The following MUC5AC variants were observed in gnomAD, a reference collection of about 807,000 sequenced individuals.
The protein encoded by MUC5AC is mucin 5AC, oligomeric mucus/gel-forming, also known as mucin-5AC.
In MUC5AC, 158 loss-of-function variants were observed where a neutral mutation model predicts 169.7. The ratio of observed to expected loss-of-function variants is 0.93; its 90% CI spans 0.82 to 1.06. The LOEUF is 1.06. Among genes scored for constraint, MUC5AC ranks in the 50% least tolerant of loss-of-function variants. MUC5AC has a pLI of 0.00. For missense variants in MUC5AC, 4,359 were observed against 3,089.9 expected, an observed-to-expected ratio of 1.41 and a Z score of -9.74; for synonymous variants, 1,975 against 1,237.0, an observed-to-expected ratio of 1.60 and a Z score of -12.52.
intron 26 of MUC5AC, among the ~76,000 whole-genome samples, chr11:1,179,794 G>A (rs896624706): frequency 1.3e-5 from 2 of 151,996 alleles, no homozygotes; most frequent in Non-Finnish European, 2.9e-5. Flanking sequence ...GAGCCTTGCC[G>A]GGAACGGGCA....
intron 9 of MUC5AC, 125 bp downstream of exon 9, chr11:1,164,657 G>A (rs1860252479): frequency 7.4e-7 from 1 of 1,359,292 alleles, no homozygotes; most frequent in Non-Finnish European, 9.7e-7. Context: ...GCTGACTGAG[G>A]CCCCTGTCCT....
At chr11:1,160,565 C>T (rs1860110828) in intron 1 of MUC5AC, 47 bp from the exon 2 acceptor site, 1 of 1,540,056 alleles carries the variant, frequency 6.5e-7, no homozygotes, top group Non-Finnish European at 8.8e-7. Context: ...GCCTGAGCCC[C>T]CTCAGCCACC....
chr11:1,167,773 G>C, intron 11 of MUC5AC, 104 bp from the exon 12 acceptor site: 1 of 953,890 alleles, frequency 1.0e-6, no homozygotes, highest in East Asian at 2.6e-5. Context: ...GGTGGAGTGG[G>C]GTTTTCTAGT....
intron 25 of MUC5AC, 128 bp downstream of exon 25, chr11:1,178,811 G>A (rs1860745768): frequency 2.1e-6 from 1 of 466,006 alleles, no homozygotes; most frequent in Non-Finnish European, 3.5e-6. Context: ...GCTGGGACTG[G>A]CGCTGGTATG....
At chr11:1,170,557 C>T (rs1860479518) in intron 15 of MUC5AC, among the ~76,000 whole-genome samples, 3 of 132,754 alleles carry the variant, frequency 2.3e-5, no homozygotes, top group East Asian at 2.4e-4. Flanking sequence ...GCCCACTCAC[C>T]CACTCACCCA....
rs749388652 is a variant in MUC5AC at position 1,168,903 on chromosome 11, C to T, written c.1747C>T (p.Arg583Trp). Residue 583 changes from arginine to tryptophan, a missense_variant, in exon 15 of 49, where the codon CGG (arginine) becomes TGG (tryptophan). Arg to Trp is a moderately radical substitution (Grantham distance 101, BLOSUM62 -3). Coordinates refer to ENST00000621226, the MANE Select transcript of MUC5AC (RefSeq NM_001304359.2). ...CAACAGCATCCAGGCCGATGACTTC[C>T]GGACCCTCAGTGGGGTGGTGGAGGC... ...NFNSIQADDF[R>W]TLSGVVEATA... is the part of the protein sequence containing the mutation. The T allele has an allele frequency of 4.5e-5, 72 of 1,610,088 alleles. No homozygotes were observed. The highest frequency in any genetic ancestry group is 1.9e-4 in the South Asian group (17 of 90,756).
Position 1,174,965 on chromosome 11 carries a change from G to A in MUC5AC, c.2176G>A (p.Glu726Lys), listed in dbSNP as rs960950024. 28 of 410,596 alleles carry A rather than the reference G, an allele frequency of 6.8e-5. No homozygotes were observed. The South Asian group carries it at 2.4e-3, about 35-fold the overall frequency. 25.4% of individuals were successfully genotyped at this position (410,596 alleles called of 1,614,324 possible). Residue 726 changes from glutamate to lysine, a missense_variant, in exon 18 of 49, where the codon GAG becomes AAG. By Grantham distance (56) the Glu-to-Lys change is moderately conservative (BLOSUM62 1). Transcript: ENST00000621226. The stretch of plus-strand genomic sequence containing the variant: ...CCAGCCCACCTGCCGCTCCCTGAGC[G>A]AGGGGGACATCACCTGCAGTGTTGG... ...TCQPTCRSLS[E>K]GDITCSVGFI...
Position 1,189,390 on chromosome 11 carries a change from A to C in MUC5AC, c.11245A>C (p.Thr3749Pro). 1 of 565,874 alleles carries C rather than the reference A, an allele frequency of 1.8e-6. No homozygotes were observed. The highest frequency in any genetic ancestry group is 3.1e-6 in the Non-Finnish European group (1 of 320,718). The allele number at this position is 565,874 out of a possible 1,614,324, so 35.1% of individuals were successfully genotyped here. ...APTTSTISAPTTSTTSAPTAS... is the reference protein window; with the variant it reads ...APTTSTISAPPTSTTSAPTAS... ...TACAACCAGCACAATCTCTGCCCCT[A>C]CAACCAGCACAACCTCTGCTCCCAC... The change falls in exon 31 of 49, where the codon ACA becomes CCA. Residue 3749 changes from threonine (T) to proline (P), a missense_variant. Coordinates refer to ENST00000621226, the MANE Select transcript of MUC5AC (RefSeq NM_001304359.2).
chr11:1,157,993 C>T lies in MUC5AC; in HGVS notation c.-7C>T. On this transcript the variant is annotated 5_prime_UTR_variant, in exon 1 of 49. Transcript: ENST00000621226. ...GGGACAGGGCACTCTTCCCCGCCGT[C>T]CACACAATGAGTGTTGGCCGGAGGA... 1 of 1,590,558 alleles carries T rather than the reference C, an allele frequency of 6.3e-7. No homozygotes were observed. The highest frequency in any genetic ancestry group is 8.6e-7 in the Non-Finnish European group (1 of 1,169,576).
chr11:1,182,032 G>C (rs996004168), intron 30 of MUC5AC, 123 bp from the exon 31 acceptor site: 19 of 398,190 alleles, frequency 4.8e-5, no homozygotes, highest in African/African-American at 2.9e-4. Context: ...CAGGGACCGC[G>C]GGTGGGGACA....
chr11:1,182,088 C>T (rs1860827342), intron 30 of MUC5AC, 67 bp from the exon 31 acceptor site: 1 of 250,268 alleles, frequency 4.0e-6, no homozygotes, highest in Non-Finnish European at 6.2e-6. Context: ...GACAGAGCCG[C>T]AGGGAGGGGC....
At chr11:1,194,889 A>G in intron 35 of MUC5AC, 123 bp from the exon 36 acceptor site, 2 of 622,028 alleles carry the variant, frequency 3.2e-6, no homozygotes, top group South Asian at 1.8e-5. Flanking sequence ...AGTGAGGCAC[A>G]GGCAGGGCCC....
rs745767500 is a variant in MUC5AC, at chr11:1,197,937, C to A, written c.16068C>A (p.Gly5356=). The part of the protein sequence containing the change: ...CNTSRCPAPV[G]CPEGARAIPT... The stretch of plus-strand genomic sequence containing the variant: ...CCAGCCGCTGCCCCGCGCCCGTGGG[C>A]TGTCCTGAGGGCGCCCGCGCGATCC... Residue 5356 remains glycine, a synonymous_variant, in exon 42 of 49, where the codon GGC becomes GGA. Coordinates refer to ENST00000621226, the MANE Select transcript of MUC5AC (RefSeq NM_001304359.2). 1 of 736,788 alleles carries A rather than the reference C, an allele frequency of 1.4e-6. No homozygotes were observed. Among genetic ancestry groups the A allele is most frequent in the South Asian group, 1.4e-5 (1 of 69,986 alleles). The allele number at this position is 736,788 out of a possible 1,614,324, so 45.6% of individuals were successfully genotyped here. A position where few individuals can be genotyped will look rare whatever the true frequency, so the allele number is the denominator to read the frequency against.
chr11:1,164,146 G>A lies in MUC5AC; in HGVS notation c.830G>A (p.Gly277Asp). 6.2e-7 allele frequency: 1 copy of A among 1,612,340 alleles called. No individual in the cohort carries two copies. The highest frequency in any genetic ancestry group is 1.1e-5 in the South Asian group (1 of 91,080). ...CTCCTGCACGGCCAGCTGTTCTCTGGCTGCGTGGCCCTGGTGGACGTCGGC... is the reference window on the plus strand; with the variant it reads ...CTCCTGCACGGCCAGCTGTTCTCTGACTGCGTGGCCCTGGTGGACGTCGGC... The part of the protein sequence containing the change: ...EELLHGQLFS[G>D]CVALVDVGSY... Residue 277 changes from glycine (G) to aspartate (D), a missense_variant, in exon 8 of 49, where the codon GGC becomes GAC. Transcript: ENST00000621226.
In MUC5AC at chr11:1,188,631, T is replaced by G. The variant is rs1861012262; in HGVS notation, c.10486T>G (p.Ser3496Ala). ...CCCTGTTACCACCACCAGCACAGCC[T>G]CTGTTTCAAAGACCAGCACAAGCCA... ...PSPVTTTSTA[S>A]VSKTSTSHVS... Residue 3496 changes from serine to alanine, a missense_variant, in exon 31 of 49, where the codon TCT becomes GCT. By Grantham distance (99) the Ser-to-Ala change is moderately conservative. Coordinates refer to ENST00000621226, the MANE Select transcript of MUC5AC (RefSeq NM_001304359.2). 1.8e-5 allele frequency: 14 copies of G among 765,022 alleles called. No individual in the cohort carries two copies. The South Asian group carries it at 1.9e-4, about 10-fold the overall frequency. The allele number at this position is 765,022 out of a possible 1,614,324, so 47.4% of individuals were successfully genotyped here. A position where few individuals can be genotyped will look rare whatever the true frequency, so the allele number is the denominator to read the frequency against.
chr11:1,160,214 C>T (rs1030406159), intron 1 of MUC5AC, among the ~76,000 whole-genome samples: 1 of 152,116 alleles, frequency 6.6e-6, no homozygotes, highest in Admixed American at 6.5e-5. Flanking sequence ...GGGCCGACCC[C>T]TCCCATGCCT....
intron 11 of MUC5AC, among the ~76,000 whole-genome samples, chr11:1,166,257 C>T (rs1373365781): frequency 1.4e-5 from 2 of 146,948 alleles, no homozygotes; most frequent in African/African-American, 5.1e-5. Flanking sequence ...TATGGTGAGA[C>T]CCTGCACCCA....
At position 1,183,124 on chromosome 11, in the gene MUC5AC, T is replaced by C. The variant is rs1451641058; in HGVS notation, c.4979T>C (p.Ile1660Thr). 2 of 379,396 alleles carry C rather than the reference T, an allele frequency of 5.3e-6. No individual in the cohort carries two copies. Among genetic ancestry groups the C allele is most frequent in the Non-Finnish European group, 9.0e-6 (2 of 222,060 alleles). 23.5% of individuals were successfully genotyped at this position (379,396 alleles called of 1,614,324 possible). A position where few individuals can be genotyped will look rare whatever the true frequency, so the allele number is the denominator to read the frequency against. The change falls in exon 31 of 49, where the codon ATC (isoleucine) becomes ACC (threonine). Residue 1660 changes from isoleucine (I) to threonine (T), a missense_variant. By Grantham distance (89) the Ile-to-Thr change is moderately conservative. Transcript: ENST00000621226. The stretch of plus-strand genomic sequence containing the variant: ...CTGAACAAGAACCAGCTCCCACCCA[T>C]CTGCTACAACTATGAGATCCGCATC... ...ICLNKNQLPPICYNYEIRIQC... is the reference protein window; with the variant it reads ...ICLNKNQLPPTCYNYEIRIQC...
At position 1,164,281 on chromosome 11, in the gene MUC5AC, G is replaced by A. The variant is rs761033449; in HGVS notation, c.965G>A (p.Gly322Glu). Residue 322 changes from glycine (G) to glutamate (E), a missense_variant, in exon 8 of 49, where the codon GGG (glycine) becomes GAG (glutamate). By Grantham distance (98) the Gly-to-Glu change is moderately conservative. Coordinates refer to ENST00000621226, the MANE Select transcript of MUC5AC (RefSeq NM_001304359.2). ...TACTCCCGGCAGTGCACCCATGCAG[G>A]GGGGTTGCCCCAGGACTGGCGGGGC... ...AEYSRQCTHA[G>E]GLPQDWRGPD... The A allele has an allele frequency of 2.5e-6, 4 of 1,612,450 alleles. No homozygotes were observed. The East Asian group carries it at 6.7e-5, about 27-fold the overall frequency.
Sources: allele counts gnomAD v4.1 joint callset (sites outside exome capture counted in the v4.1 genomes callset), GRCh38; gene constraint gnomAD v4.1.1; transcripts MANE v1.5; gene names NCBI Gene and HGNC (gene_info 2026-07-23, HGNC 2026-07-21).